Variants in RSL1D1 observed in about 807,000 individuals in gnomAD.
The protein encoded by RSL1D1 is ribosomal L1 domain-containing protein 1.
Under a neutral mutation model 44.6 loss-of-function variants are expected in RSL1D1, and 34 were observed. The observed-to-expected ratio is 0.76, with a 90% confidence interval of 0.58 to 1.02. RSL1D1 has a LOEUF of 1.02. Among genes scored for constraint, RSL1D1 ranks in the 50% least tolerant of loss-of-function variants. The pLI is 0.00. For synonymous variants in RSL1D1, 271 were observed against 207.4 expected, an observed-to-expected ratio of 1.31 and a Z score of -2.63; for missense variants, 767 against 568.1, an observed-to-expected ratio of 1.35 and a Z score of -3.56.
rs114849562 is a variant in RSL1D1, at chr16:11,838,983, C to T, written c.1146+712G>A. 5.2e-3 allele frequency among the ~76,000 whole-genome samples: 798 copies of T among 152,098 alleles called. 4 individuals are homozygous for T. The highest frequency in any genetic ancestry group is 0.018 in the African/African-American group (756 of 41,492). On this transcript the variant is annotated intron_variant, in intron 8 of 8. Coordinates refer to ENST00000571133, the MANE Select transcript of RSL1D1 (RefSeq NM_015659.3). ...AGCACCATGAGGAGCACAGCAGAGA[C>T]ACATGGGAGCAAATCCTGAGTCTTC...
rs1206907041 is a variant in RSL1D1 at position 11,847,814 on chromosome 16, A to G, written c.246-8T>C. The G allele has an allele frequency of 1.9e-6, 3 of 1,611,534 alleles. No individual in the cohort carries two copies. Among genetic ancestry groups the G allele is most frequent in the Non-Finnish European group, 2.5e-6 (3 of 1,179,076 alleles). ...ATACTATGAGGCAAGGTCCTACAAA[A>G]TACGTGAAAAGAAACCGAGGAAAGC... is the stretch of plus-strand genomic sequence containing the variant. On this transcript the variant is annotated splice_polypyrimidine_tract_variant and splice_region_variant and intron_variant, in intron 2 of 8. Coordinates refer to ENST00000571133, the MANE Select transcript of RSL1D1 (RefSeq NM_015659.3).
Position 11,841,729 on chromosome 16 carries a change from G to C in RSL1D1, c.821C>G (p.Ala274Gly), listed in dbSNP as rs780393013. 3 of 1,613,480 alleles carry C rather than the reference G, an allele frequency of 1.9e-6. No homozygotes were observed. The Admixed American group carries it at 5.0e-5, about 27-fold the overall frequency. ...FSSFVSNWDE[A>G]TKRSLLNKKK... ...CTTATTAAGCAAAGATCTTTTGGTG[G>C]CTTCATCCCAATTGCTGACAAACGA... Residue 274 changes from alanine to glycine, a missense_variant, in exon 7 of 9, where the codon GCC becomes GGC. By Grantham distance (60) the Ala-to-Gly change is moderately conservative (BLOSUM62 0). Transcript: ENST00000571133.
At chr16:11,838,797 C>G (rs1317181105) in intron 8 of RSL1D1, among the ~76,000 whole-genome samples, 1 of 146,134 alleles carries the variant, frequency 6.8e-6, no homozygotes, top group African/African-American at 2.6e-5. Context: ...GTGGAGGTTG[C>G]TGTGAGCCGA....
intron 2 of RSL1D1, among the ~76,000 whole-genome samples, chr16:11,848,103 A>C (rs1042776144): frequency 6.6e-5 from 10 of 152,130 alleles, no homozygotes; most frequent in Non-Finnish European, 1.2e-4. Flanking sequence ...ATTATAAAAA[A>C]TTAGCCAGGC....
At chr16:11,843,850 G>A (rs962059444) in intron 5 of RSL1D1, among the ~76,000 whole-genome samples, 21 of 108,794 alleles carry the variant, frequency 1.9e-4, no homozygotes, top group African/African-American at 6.0e-4. Flanking sequence ...TAGCCTGGGC[G>A]ACAGAGCAAG....
rs1416491674 is a variant in RSL1D1 at position 11,835,482 on chromosome 16, G to A, written c.*2305C>T. On this transcript the variant is annotated 3_prime_UTR_variant, in exon 9 of 9. Coordinates refer to ENST00000571133, the MANE Select transcript of RSL1D1 (RefSeq NM_015659.3). ...CACCACGCCCAGCCTCATTTTTTTT[G>A]AGACTGGGCCAGGGAAGGGGGCAGT... 1 of 151,134 alleles carries A rather than the reference G, an allele frequency of 6.6e-6. No homozygotes were observed. The highest frequency in any genetic ancestry group is 1.5e-5 in the Non-Finnish European group (1 of 67,994). The allele number at this position is 151,134 out of a possible 1,614,324, so 9.4% of individuals were successfully genotyped here. A position where few individuals can be genotyped will look rare whatever the true frequency, so the allele number is the denominator to read the frequency against.
chr16:11,851,508 T>A lies in RSL1D1; in HGVS notation c.5A>T (p.Glu2Val). Reference protein sequence around the residue: MEDSASASLSSA... With the variant: MVDSASASLSSA... ...AGACAGCGAGGCCGAGGCCGAATCC[T>A]CCATCTTGTTTCCACCTCGTGAAGA... is the stretch of plus-strand genomic sequence containing the variant. Residue 2 changes from glutamate (E) to valine (V), a missense_variant, in exon 1 of 9, where the codon GAG becomes GTG. Transcript: ENST00000571133. 1 of 1,613,522 alleles carries A rather than the reference T, an allele frequency of 6.2e-7. No homozygotes were observed. Among genetic ancestry groups the A allele is most frequent in the Non-Finnish European group, 8.5e-7 (1 of 1,179,916 alleles).
intron 5 of RSL1D1, among the ~76,000 whole-genome samples, chr16:11,844,105 C>T (rs1056117818): frequency 5.3e-5 from 8 of 152,064 alleles, no homozygotes; most frequent in Non-Finnish European, 4.4e-5. Flanking sequence ...TCCTCTCTCT[C>T]TTCAGCCAAA....
intron 7 of RSL1D1, 79 bp downstream of exon 7, chr16:11,841,616 A>T: frequency 7.4e-7 from 1 of 1,352,824 alleles, no homozygotes; most frequent in South Asian, 1.3e-5. Context: ...TCGGGCAGCG[A>T]TGATGGTCTA....
chr16:11,850,912 A>G (rs2141256685), intron 1 of RSL1D1: 1 of 192,988 alleles, frequency 5.2e-6, no homozygotes, highest in African/African-American at 2.4e-5. Context: ...CTGGTATCGA[A>G]CTCCTGACCT....
chr16:11,840,817 C>G (rs886117493), intron 7 of RSL1D1, among the ~76,000 whole-genome samples: 1 of 152,114 alleles, frequency 6.6e-6, no homozygotes, highest in South Asian at 2.1e-4. Flanking sequence ...CCAGTCCCAA[C>G]GAATGTAGGT....
rs943282313 is a variant in RSL1D1 at position 11,837,672 on chromosome 16, T to A, written c.*115A>T. The A allele has an allele frequency of 7.9e-6, 8 of 1,013,370 alleles. No homozygotes were observed. Among genetic ancestry groups the A allele is most frequent in the Non-Finnish European group, 1.2e-5 (8 of 680,064 alleles). The allele number at this position is 1,013,370 out of a possible 1,614,324, so 62.8% of individuals were successfully genotyped here. On this transcript the variant is annotated 3_prime_UTR_variant, in exon 9 of 9. Transcript: ENST00000571133. Reference sequence around the variant, plus strand: ...GACTACTTATGGAGGTTTTAAAAAATCTTTTAAGTCCAGGCCTGACGTTTA... The same window carrying A: ...GACTACTTATGGAGGTTTTAAAAAAACTTTTAAGTCCAGGCCTGACGTTTA...
chr16:11,850,846 C>T (rs2053832220), intron 1 of RSL1D1, among the ~76,000 whole-genome samples: 1 of 152,162 alleles, frequency 6.6e-6, no homozygotes, highest in East Asian at 1.9e-4. Flanking sequence ...CCCGCCACCA[C>T]GCCCACCTAA....
chr16:11,844,502 G>C (rs374451871), intron 5 of RSL1D1, among the ~76,000 whole-genome samples: 2 of 152,086 alleles, frequency 1.3e-5, no homozygotes, highest in Admixed American at 1.3e-4. Flanking sequence ...AGGGGTCTAG[G>C]CTCCGTGACC....
At position 11,835,085 on chromosome 16, in the gene RSL1D1, G is replaced by A. The variant is rs1373186391; in HGVS notation, c.*2702C>T. On this transcript the variant is annotated 3_prime_UTR_variant, in exon 9 of 9. Coordinates refer to ENST00000571133, the MANE Select transcript of RSL1D1 (RefSeq NM_015659.3). ...ATGACACTAGTGCACTCCAGCCTGG[G>A]GAACAGAGTAAGACCATCTCCCCCA... The A allele has an allele frequency of 6.6e-6, 1 of 152,166 alleles. No homozygotes were observed. The highest frequency in any genetic ancestry group is 1.5e-5 in the Non-Finnish European group (1 of 68,100). 9.4% of individuals were successfully genotyped at this position (152,166 alleles called of 1,614,324 possible).
intron 1 of RSL1D1, 79 bp from the exon 2 acceptor site, chr16:11,850,497 A>G (rs953308409): frequency 2.4e-5 from 34 of 1,445,684 alleles, no homozygotes; most frequent in Admixed American, 5.2e-5. Context: ...TCTCAATCTA[A>G]TTTAGCATTT....
rs1191879182 is a variant in RSL1D1, at chr16:11,842,425, C to A, written c.636-425G>T. 2.6e-5 allele frequency among the ~76,000 whole-genome samples: 4 copies of A among 152,152 alleles called. No individual in the cohort carries two copies. In the East Asian group the frequency reaches 7.7e-4, roughly 29 times the overall value. On this transcript the variant is annotated intron_variant, in intron 5 of 8. Coordinates refer to ENST00000571133, the MANE Select transcript of RSL1D1 (RefSeq NM_015659.3). The stretch of plus-strand genomic sequence containing the variant: ...ATTTCATTTTTGAGACAGGGTTTTC[C>A]TGTCGCCCAGGCTGAAATGCAGTGG...
Position 11,846,741 on chromosome 16 carries a change from G to C in RSL1D1, c.487C>G (p.Arg163Gly). The C allele has an allele frequency of 6.2e-7, 1 of 1,614,012 alleles. No homozygotes were observed. The highest frequency in any genetic ancestry group is 8.5e-7 in the Non-Finnish European group (1 of 1,179,928). Residue 163 changes from arginine (R) to glycine (G), a missense_variant, in exon 4 of 9, where the codon CGG becomes GGG. Physicochemically the swap from Arg to Gly is moderately radical, Grantham distance 125. Coordinates refer to ENST00000571133, the MANE Select transcript of RSL1D1 (RefSeq NM_015659.3). ...DFFLTDARIRRLLPSLIGRHF... is the reference protein window; with the variant it reads ...DFFLTDARIRGLLPSLIGRHF... ...CTCCCAATGAGTGAGGGTAAGAGCCGCCTAATTCTGGCATCAGTAAGGAAG... is the reference window on the plus strand; with the variant it reads ...CTCCCAATGAGTGAGGGTAAGAGCCCCCTAATTCTGGCATCAGTAAGGAAG...
At position 11,835,727 on chromosome 16, in the gene RSL1D1, C is replaced by T. The variant is rs2053711550; in HGVS notation, c.*2060G>A. The T allele has an allele frequency of 6.6e-6, 1 of 152,286 alleles. No individual in the cohort carries two copies. The highest frequency in any genetic ancestry group is 2.4e-5 in the African/African-American group (1 of 41,422). 9.4% of individuals were successfully genotyped at this position (152,286 alleles called of 1,614,324 possible). On this transcript the variant is annotated 3_prime_UTR_variant, in exon 9 of 9. Coordinates refer to ENST00000571133, the MANE Select transcript of RSL1D1 (RefSeq NM_015659.3). ...TCTCGAACTCCTGGGTTCAAGCAATCCACCCAGCGTTCCAAAGTGCTGGGA... is the reference window on the plus strand; with the variant it reads ...TCTCGAACTCCTGGGTTCAAGCAATTCACCCAGCGTTCCAAAGTGCTGGGA...
Sources: gnomAD v4.1 joint callset for allele counts (sites outside exome capture counted in the v4.1 genomes callset) on GRCh38, gnomAD v4.1.1 for gene constraint, MANE v1.5 for transcripts, NCBI Gene and HGNC (gene_info 2026-07-23, HGNC 2026-07-21) for gene names.